Variants in LTBP4 observed in about 807,000 individuals in gnomAD.
LTBP4 encodes latent transforming growth factor beta binding protein 4, also known as latent-transforming growth factor beta-binding protein 4.
LTBP4 carries 93 observed loss-of-function variants against 180.2 expected under a neutral mutation model. The observed-to-expected ratio is 0.52, with a 90% CI of 0.44 to 0.61. The LOEUF (loss-of-function observed/expected upper bound fraction) is 0.61. LTBP4 is among the 20% of genes least tolerant of loss of function. The pLI is 0.00. For synonymous variants in LTBP4, 947 were observed against 934.5 expected (o/e 1.01, Z -0.24); for missense variants, 2,116 against 2,256.5 (o/e 0.94, Z 1.26).
chr19:40,604,818 G>A (rs1342839133), intron 1 of LTBP4, among the ~76,000 whole-genome samples: 1 of 152,194 alleles, frequency 6.6e-6, no homozygotes, highest in Admixed American at 6.5e-5. Flanking sequence ...TCCAGCCTGG[G>A]CAATAGAGCG....
Position 40,609,992 on chromosome 19 carries a change from C to T in LTBP4, c.1684+121C>T. 1 of 1,343,634 alleles carries T rather than the reference C, an allele frequency of 7.4e-7. No homozygotes were observed. The highest frequency in any genetic ancestry group is 9.8e-7 in the Non-Finnish European group (1 of 1,017,250). 83.2% of individuals were successfully genotyped at this position (1,343,634 alleles called of 1,614,324 possible). A position where few individuals can be genotyped will look rare whatever the true frequency, so the allele number is the denominator to read the frequency against. On this transcript the variant is annotated intron_variant, in intron 11 of 29. Transcript: ENST00000396819. The surrounding 1 kb of genome is among the most constrained non-coding windows in gnomAD (Gnocchi z 4.9). ...CGGGTCCCGCCCCAGGACTGCTCTG[C>T]CCTGGCCCTTGGCCCTGCCCTTCCC...
In LTBP4 at chr19:40,613,034, G is replaced by C. The variant is rs188090103; in HGVS notation, c.2300-31G>C. 1.1e-4 allele frequency: 180 copies of C among 1,608,144 alleles called. No homozygotes were observed. In the East Asian group the frequency reaches 3.7e-3, roughly 33 times the overall value. On this transcript the variant is annotated intron_variant, in intron 15 of 29. Transcript: ENST00000396819. This position sits in a 1 kb window ranked among gnomAD's most constrained non-coding sequence, Gnocchi z 5.0. ...ATTGGTCGGGTGTGTCCCGAGACTG[G>C]ACCCTTTCTGAACACCCCCACCCCC... is the stretch of plus-strand genomic sequence containing the variant.
chr19:40,599,656 C>A, upstream of LTBP4: 2 of 1,143,814 alleles, frequency 1.7e-6, no homozygotes, highest in South Asian at 1.4e-5. Context: ...TCTCTCTCCC[C>A]CCTCCCTCCC....
chr19:40,615,550 G>A (rs2081542847), intron 19 of LTBP4, among the ~76,000 whole-genome samples: 1 of 152,174 alleles, frequency 6.6e-6, no homozygotes, highest in South Asian at 2.1e-4. Context: ...ACGAGGTCAG[G>A]AGATCGAGAC....
At chr19:40,597,443 G>C, upstream of LTBP4, 2 of 1,397,158 alleles carry the variant, frequency 1.4e-6, no homozygotes, top group Non-Finnish European at 9.3e-7. Context: ...GGAGGACCAC[G>C]GCTTTCGGAT....
intron 1 of LTBP4, among the ~76,000 whole-genome samples, chr19:40,602,046 G>A (rs2081427577): frequency 6.6e-6 from 1 of 151,876 alleles, no homozygotes; most frequent in African/African-American, 2.4e-5. Flanking sequence ...CTGTGTGTTT[G>A]GGTGGGAAGG....
intron 1 of LTBP4, among the ~76,000 whole-genome samples, chr19:40,603,816 C>G (rs2081439817): frequency 6.6e-6 from 1 of 152,246 alleles, no homozygotes; most frequent in African/African-American, 2.4e-5. Context: ...CAGGACAGCC[C>G]GGCCTCCTTT....
Position 40,623,713 on chromosome 19 carries a change from A to G in LTBP4, c.3666A>G (p.Thr1222=), listed in dbSNP as rs754826032. The G allele has an allele frequency of 3.1e-6, 5 of 1,613,844 alleles. No individual in the cohort carries two copies. In the South Asian group the frequency reaches 5.5e-5, roughly 18 times the overall value. Residue 1222 remains threonine (T), a synonymous_variant, in exon 25 of 30, where the codon ACA becomes ACG. Transcript: ENST00000396819. ...CYCSNGYYYH[T]QRLECIDNDE... ...GCAGCAACGGCTACTACTACCACACACAGCGGCTGGAGTGCATCGGTACAA... is the reference window on the plus strand; with the variant it reads ...GCAGCAACGGCTACTACTACCACACGCAGCGGCTGGAGTGCATCGGTACAA...
In LTBP4 at chr19:40,606,390, C is replaced by T. The variant is rs1407282940; in HGVS notation, c.869-14C>T. The T allele has an allele frequency of 1.2e-6, 2 of 1,607,132 alleles. No individual in the cohort carries two copies. Among genetic ancestry groups the T allele is most frequent in the African/African-American group, 2.7e-5 (2 of 74,828 alleles). On this transcript the variant is annotated splice_polypyrimidine_tract_variant and intron_variant, in intron 5 of 29. Transcript: ENST00000396819. ...AAGTTCCTGACTCCACGGTGACCTC[C>T]CCAACCCTGGCAGATGTGGATGAGT...
At position 40,613,037 on chromosome 19, in the gene LTBP4, C is replaced by T. The variant is rs1038781184; in HGVS notation, c.2300-28C>T. ...GGTCGGGTGTGTCCCGAGACTGGAC[C>T]CTTTCTGAACACCCCCACCCCCCAC... is the stretch of plus-strand genomic sequence containing the variant. On this transcript the variant is annotated intron_variant, in intron 15 of 29. Transcript: ENST00000396819. This position sits in a 1 kb window ranked among gnomAD's most constrained non-coding sequence, Gnocchi z 5.0. 6.2e-7 allele frequency: 1 copy of T among 1,608,902 alleles called. No individual in the cohort carries two copies. Among genetic ancestry groups the T allele is most frequent in the Non-Finnish European group, 8.5e-7 (1 of 1,177,278 alleles).
Position 40,619,395 on chromosome 19 carries a change from G to A in LTBP4, c.3119G>A (p.Cys1040Tyr). 32 of 1,613,956 alleles carry A rather than the reference G, an allele frequency of 2.0e-5. No individual in the cohort carries two copies. Among genetic ancestry groups the A allele is most frequent in the Non-Finnish European group, 2.6e-5 (31 of 1,179,876 alleles). The part of the protein sequence containing the change: ...TLQGVCGAAL[C>Y]ENVEGSFLCV... Reference sequence around the variant, plus strand: ...CAGGGTGTATGTGGAGCTGCCCTGTGTGAAAATGTCGAAGGCTCCTTCCTC... The same window carrying A: ...CAGGGTGTATGTGGAGCTGCCCTGTATGAAAATGTCGAAGGCTCCTTCCTC... The change falls in exon 22 of 30, where the codon TGT (cysteine) becomes TAT (tyrosine). Residue 1040 changes from cysteine to tyrosine, a missense_variant. Transcript: ENST00000396819.
Position 40,605,924 on chromosome 19 carries a change from C to G in LTBP4, c.793+93C>G, listed in dbSNP as rs2081458108. 1 of 1,357,056 alleles carries G rather than the reference C, an allele frequency of 7.4e-7. No individual in the cohort carries two copies. Among genetic ancestry groups the G allele is most frequent in the Non-Finnish European group, 1.0e-6 (1 of 1,004,498 alleles). 84.1% of individuals were successfully genotyped at this position (1,357,056 alleles called of 1,614,324 possible). ...CTCTGCCCTAGATAAACCCAGTTCA[C>G]AAATTGTAGCCACGCCTACCCCATT... On this transcript the variant is annotated intron_variant, in intron 4 of 29. Coordinates refer to ENST00000396819, the MANE Select transcript of LTBP4 (RefSeq NM_001042545.2). This position sits in a 1 kb window ranked among gnomAD's most constrained non-coding sequence, Gnocchi z 5.5.
intron 28 of LTBP4, 74 bp from the exon 29 acceptor site, chr19:40,627,631 G>A (rs2081645414): frequency 3.9e-6 from 6 of 1,524,130 alleles, no homozygotes; most frequent in Non-Finnish European, 5.3e-6. Context: ...TGGAGCCAAG[G>A]ACGCGCACCC....
intron 21 of LTBP4, among the ~76,000 whole-genome samples, chr19:40,617,787 T>C (rs1294096128): frequency 6.6e-6 from 1 of 152,190 alleles, no homozygotes; most frequent in East Asian, 1.9e-4. Flanking sequence ...TAAGTGTTCA[T>C]AAACATTAAT....
chr19:40,622,611 T>C lies in LTBP4; in HGVS notation c.3428T>C (p.Val1143Ala). ...NVTWQECCCT[V>A]GEGWGSGCRI... ...ACATGGCAGGAGTGCTGCTGTACTG[T>C]GGGTGAGGGCTGGGGCAGCGGCTGC... Residue 1143 changes from valine (V) to alanine (A), a missense_variant, in exon 23 of 30, where the codon GTG becomes GCG. By Grantham distance (64) the Val-to-Ala change is moderately conservative. This residue lies in a region of LTBP4 where 278 missense variants were observed against 373.0 expected (regional missense o/e 0.75). Transcript: ENST00000396819. The surrounding 1 kb of genome is among the most constrained non-coding windows in gnomAD (Gnocchi z 5.1). 6.2e-7 allele frequency: 1 copy of C among 1,612,194 alleles called. No homozygotes were observed. The highest frequency in any genetic ancestry group is 8.5e-7 in the Non-Finnish European group (1 of 1,179,220).
chr19:40,602,231 G>T (rs938237494), intron 1 of LTBP4, among the ~76,000 whole-genome samples: 37 of 150,798 alleles, frequency 2.5e-4, no homozygotes, highest in African/African-American at 8.8e-4. Context: ...GAGTTGCAGG[G>T]GTCCCACGTG....
At position 40,613,728 on chromosome 19, in the gene LTBP4, G is replaced by A; in HGVS notation, c.2558-188G>A. 2.5e-6 allele frequency: 3 copies of A among 1,217,002 alleles called. No individual in the cohort carries two copies. Among genetic ancestry groups the A allele is most frequent in the Non-Finnish European group, 3.5e-6 (3 of 861,806 alleles). 75.4% of individuals were successfully genotyped at this position (1,217,002 alleles called of 1,614,324 possible). ...ATGAAAGGGCCGAGTCTGGGTATTT[G>A]GACCGTGATTGTAAAGAAGCTGTTC... is the stretch of plus-strand genomic sequence containing the variant. On this transcript the variant is annotated intron_variant, in intron 17 of 29. Coordinates refer to ENST00000396819, the MANE Select transcript of LTBP4 (RefSeq NM_001042545.2). The surrounding 1 kb of genome is among the most constrained non-coding windows in gnomAD (Gnocchi z 5.0).
chr19:40,598,145 G>A (rs948945476), upstream of LTBP4, among the ~76,000 whole-genome samples: 7 of 139,028 alleles, frequency 5.0e-5, no homozygotes, highest in Admixed American at 1.4e-4. Flanking sequence ...GCGGCCCAGC[G>A]CTCCGTTACA....
intron 19 of LTBP4, among the ~76,000 whole-genome samples, 164 bp from the exon 20 acceptor site, chr19:40,616,725 G>A (rs937877413): frequency 6.6e-6 from 1 of 152,228 alleles, no homozygotes. Flanking sequence ...GCGAGACTCC[G>A]TCTCAAAGAA....
Sources: allele counts gnomAD v4.1 joint callset (sites outside exome capture counted in the v4.1 genomes callset), GRCh38; gene constraint gnomAD v4.1.1; regional missense constraint gnomAD v4.1.1; non-coding constraint Gnocchi (gnomAD v3.1); transcripts MANE v1.5; gene names NCBI Gene and HGNC (gene_info 2026-07-23, HGNC 2026-07-21).